Variants in ADAM7 observed in about 807,000 individuals in gnomAD.
ADAM7 encodes ADAM metallopeptidase domain 7, also known as disintegrin and metalloproteinase domain-containing protein 7.
Under a neutral mutation model 102.9 loss-of-function variants are expected in ADAM7, and 97 were observed. The observed-to-expected ratio is 0.94, with a 90% CI of 0.80 to 1.12. The LOEUF (loss-of-function observed/expected upper bound fraction) is 1.12. Among genes scored for constraint, ADAM7 ranks in the 50% most tolerant of loss-of-function variants. The pLI, the probability that ADAM7 is intolerant of heterozygous loss-of-function variation, is 0.00. For synonymous variants in ADAM7, 334 were observed against 304.4 expected, an observed-to-expected ratio of 1.10 and a Z score of -1.01; for missense variants, 991 against 908.7, an observed-to-expected ratio of 1.09 and a Z score of -1.16.
In ADAM7 at chr8:24,509,240, C is replaced by A; in HGVS notation, c.*694C>A. The A allele has an allele frequency of 1.0e-6, 1 of 985,416 alleles. No homozygotes were observed. The highest frequency in any genetic ancestry group is 1.7e-5 in the African/African-American group (1 of 57,342). 61.0% of individuals were successfully genotyped at this position (985,416 alleles called of 1,614,324 possible). A position where few individuals can be genotyped will look rare whatever the true frequency, so the allele number is the denominator to read the frequency against. The stretch of plus-strand genomic sequence containing the variant: ...TTACAAGAATTTCAGAAAATTTACT[C>A]CAAGTGAGAGGACATACTCACAACT... On this transcript the variant is annotated 3_prime_UTR_variant, in exon 22 of 22. Coordinates refer to ENST00000175238, the MANE Select transcript of ADAM7 (RefSeq NM_003817.4).
intron 11 of ADAM7, among the ~76,000 whole-genome samples, chr8:24,488,173 C>T (rs1013197695): frequency 2.0e-5 from 3 of 152,086 alleles, no homozygotes; most frequent in Non-Finnish European, 2.9e-5. Context: ...TAAGCTAGTC[C>T]CACAAGGTCA....
intron 14 of ADAM7, 55 bp downstream of exon 14, chr8:24,492,153 T>A: frequency 1.3e-6 from 2 of 1,525,396 alleles, no homozygotes; most frequent in Non-Finnish European, 1.8e-6. Context: ...TATTTCTCTG[T>A]TATTGCCCTG....
intron 20 of ADAM7, among the ~76,000 whole-genome samples, chr8:24,506,770 C>CAT (rs1820965041): frequency 6.6e-6 from 1 of 151,714 alleles, no homozygotes; most frequent in Non-Finnish European, 1.5e-5. Flanking sequence ...CACACACACA[C>CAT]ACACACACAC....
At chr8:24,472,300 T>C (rs1402604052) in intron 7 of ADAM7, among the ~76,000 whole-genome samples, 2 of 151,930 alleles carry the variant, frequency 1.3e-5, no homozygotes, top group African/African-American at 2.4e-5. Flanking sequence ...AAAAAGAATA[T>C]GTATTTTTTT....
chr8:24,469,117 T>G (rs7833474), intron 7 of ADAM7, among the ~76,000 whole-genome samples: 546 of 151,928 alleles, frequency 3.6e-3, no homozygotes, highest in African/African-American at 0.013. Flanking sequence ...AAGTGGAAAA[T>G]CTCCAAGTAC....
intron 7 of ADAM7, among the ~76,000 whole-genome samples, chr8:24,470,145 C>T (rs1819557464): frequency 6.6e-6 from 1 of 152,044 alleles, no homozygotes; most frequent in African/African-American, 2.4e-5. Context: ...AAGAAAGAGG[C>T]AGATTGACTA....
At chr8:24,467,020 T>A (rs1819449039) in intron 6 of ADAM7, 32 bp downstream of exon 6, 1 of 1,566,024 alleles carries the variant, frequency 6.4e-7, no homozygotes, top group African/African-American at 1.4e-5. Context: ...TTACCCCAAA[T>A]GAAACACCTT....
rs200135966 is a variant in ADAM7, at chr8:24,465,711, T to C, written c.325T>C (p.Tyr109His). The change falls in exon 5 of 22, where the codon TAC (tyrosine) becomes CAC (histidine). Residue 109 changes from tyrosine to histidine, a missense_variant. Tyr to His is a moderately conservative substitution (Grantham distance 83). Coordinates refer to ENST00000175238, the MANE Select transcript of ADAM7 (RefSeq NM_003817.4). The part of the protein sequence containing the change: ...RHPQIMDHCF[Y>H]QGSIVHEYDS... ...TCTTCTATTTTAGGATCATTGTTTT[T>C]ACCAAGGATCCATAGTACACGAATA... is the stretch of plus-strand genomic sequence containing the variant. The C allele has an allele frequency of 1.2e-6, 2 of 1,602,366 alleles. No individual in the cohort carries two copies. The highest frequency in any genetic ancestry group is 2.2e-5 in the East Asian group (1 of 44,576).
chr8:24,447,595 T>C (rs1202524895), intron 3 of ADAM7, among the ~76,000 whole-genome samples: 1 of 152,210 alleles, frequency 6.6e-6, no homozygotes, highest in African/African-American at 2.4e-5. Context: ...ACATGGTTTT[T>C]AAAATGACTT....
intron 2 of ADAM7, among the ~76,000 whole-genome samples, chr8:24,446,293 T>C (rs1034689457): frequency 2.6e-5 from 4 of 152,194 alleles, no homozygotes; most frequent in African/African-American, 9.6e-5. Flanking sequence ...AAAATATTGA[T>C]GTGAATGATC....
intron 3 of ADAM7, among the ~76,000 whole-genome samples, chr8:24,451,737 A>AT (rs1585855432): frequency 1.3e-5 from 2 of 149,514 alleles, no homozygotes; most frequent in East Asian, 3.9e-4. Context: ...TTTAATTGTG[A>AT]TGTTAGGGTG....
chr8:24,448,958 C>T (rs1818671927), intron 3 of ADAM7, among the ~76,000 whole-genome samples: 1 of 152,074 alleles, frequency 6.6e-6, no homozygotes, highest in Non-Finnish European at 1.5e-5. Flanking sequence ...CAATTTCATC[C>T]ATGTCCCTAC....
intron 11 of ADAM7, among the ~76,000 whole-genome samples, chr8:24,488,227 T>C (rs993234087): frequency 6.6e-6 from 1 of 152,154 alleles, no homozygotes; most frequent in Non-Finnish European, 1.5e-5. Context: ...ACCACTGTAC[T>C]AGAAAAGTCC....
intron 7 of ADAM7, among the ~76,000 whole-genome samples, chr8:24,471,718 T>G (rs914515992): frequency 1.3e-5 from 2 of 152,008 alleles, no homozygotes; most frequent in African/African-American, 4.8e-5. Context: ...TCAGAATATA[T>G]TCCCATTGTC....
intron 3 of ADAM7, among the ~76,000 whole-genome samples, chr8:24,459,434 TTTTA>T (rs200725981): frequency 2.6e-5 from 4 of 151,912 alleles, no homozygotes; most frequent in African/African-American, 7.3e-5. Context: ...ATTGTCGACC[TTTTA>T]TTTATTTATT....
intron 2 of ADAM7, among the ~76,000 whole-genome samples, chr8:24,445,654 C>T (rs761770378): frequency 6.6e-6 from 1 of 152,170 alleles, no homozygotes; most frequent in Non-Finnish European, 1.5e-5. Flanking sequence ...CCATTATCTA[C>T]AAGAAGTAAA....
chr8:24,476,603 A>G, intron 8 of ADAM7, 99 bp downstream of exon 8: 1 of 840,706 alleles, frequency 1.2e-6, no homozygotes, highest in Admixed American at 2.3e-5. Flanking sequence ...CCTGATATTA[A>G]GGGAGTACAA....
intron 7 of ADAM7, among the ~76,000 whole-genome samples, chr8:24,470,377 G>C (rs939105970): frequency 6.6e-6 from 1 of 151,974 alleles, no homozygotes; most frequent in Non-Finnish European, 1.5e-5. Context: ...CATAAGTAAA[G>C]TGTGAGTATT....
chr8:24,448,242 A>C (rs1818640163), intron 3 of ADAM7, among the ~76,000 whole-genome samples: 1 of 152,174 alleles, frequency 6.6e-6, no homozygotes. Flanking sequence ...TAACTTGTCC[A>C]GGGTCACAAT....
Sources: allele counts gnomAD v4.1 joint callset (sites outside exome capture counted in the v4.1 genomes callset), GRCh38; gene constraint gnomAD v4.1.1; transcripts MANE v1.5; gene names NCBI Gene and HGNC (gene_info 2026-07-23, HGNC 2026-07-21).